Variants in SENP5 observed in about 807,000 individuals in gnomAD.
SENP5 encodes the protein SUMO specific peptidase 5.
SENP5 carries 21 observed loss-of-function variants against 74.2 expected under a neutral mutation model. That is an observed-to-expected ratio of 0.28 (90% CI 0.20 to 0.41). SENP5 has a LOEUF of 0.41. Among genes scored for constraint, SENP5 ranks in the 10% least tolerant of loss-of-function variants. The pLI, the probability that SENP5 is intolerant of heterozygous loss-of-function variation, is 1.00. For missense variants in SENP5, 717 were observed against 889.1 expected, an observed-to-expected ratio of 0.81 and a Z score of 2.46; for synonymous variants, 311 against 312.7, an observed-to-expected ratio of 0.99 and a Z score of 0.06.
chr3:196,884,307 A>G (rs1179278268), intron 1 of SENP5, among the ~76,000 whole-genome samples: 2 of 152,216 alleles, frequency 1.3e-5, no homozygotes, highest in Non-Finnish European at 2.9e-5. Flanking sequence ...TCTCAAGTGA[A>G]TATAAGAAAA....
At position 196,873,612 on chromosome 3, in the gene SENP5, G is replaced by T. The variant is rs541331433; in HGVS notation, c.-32+5539G>T. Among the ~76,000 whole-genome samples the T allele has an allele frequency of 3.1e-3, 471 of 151,672 alleles. 1 individual carries two copies. Among genetic ancestry groups the T allele is most frequent in the African/African-American group, 0.011 (447 of 41,460 alleles). On this transcript the variant is annotated intron_variant, in intron 1 of 9. Coordinates refer to ENST00000323460, the MANE Select transcript of SENP5 (RefSeq NM_152699.5). ...TCCCAGCACTTTGGGAGTCTGAGGC[G>T]GGTGGATTGCGAGGTCAGGAGATCA...
chr3:196,927,001 C>T (rs1022556666), intron 7 of SENP5, among the ~76,000 whole-genome samples: 1 of 152,016 alleles, frequency 6.6e-6, no homozygotes, highest in East Asian at 1.9e-4. Context: ...TGACTTCACT[C>T]TTGATGTGGA....
chr3:196,914,825 G>A (rs1372054818), intron 6 of SENP5, among the ~76,000 whole-genome samples: 2 of 151,722 alleles, frequency 1.3e-5, no homozygotes, highest in Non-Finnish European at 2.9e-5. Flanking sequence ...AGCATCTCAA[G>A]GAAAGAGGCA....
chr3:196,889,124 TAAAA>T (rs1714100567), intron 2 of SENP5, among the ~76,000 whole-genome samples: 1 of 149,764 alleles, frequency 6.7e-6, no homozygotes, highest in African/African-American at 2.5e-5. Flanking sequence ...TCAAAAAAAA[TAAAA>T]ATAAATAAAT....
At position 196,934,564 on chromosome 3, in the gene SENP5, T is replaced by C. The variant is rs1382574917; in HGVS notation, c.*3641T>C. On this transcript the variant is annotated 3_prime_UTR_variant, in exon 10 of 10. Transcript: ENST00000323460. ...AGAAGTGCTAATTGTATTTGGGTGT[T>C]ACAAAAGCAGACCTAGACGAGCTGT... 1 of 152,196 alleles carries C rather than the reference T, an allele frequency of 6.6e-6. No homozygotes were observed. Among genetic ancestry groups the C allele is most frequent in the East Asian group, 1.9e-4 (1 of 5,206 alleles). 9.4% of individuals were successfully genotyped at this position (152,196 alleles called of 1,614,324 possible).
At chr3:196,916,641 C>G (rs2108855260) in intron 6 of SENP5, among the ~76,000 whole-genome samples, 1 of 151,792 alleles carries the variant, frequency 6.6e-6, no homozygotes, top group East Asian at 2.0e-4. Context: ...AATTCTCCTG[C>G]CTCAGCCTCC....
intron 2 of SENP5, among the ~76,000 whole-genome samples, chr3:196,887,498 C>T (rs555686698): frequency 1.3e-5 from 2 of 151,420 alleles, no homozygotes; most frequent in African/African-American, 4.9e-5. Context: ...TATTTTTCAA[C>T]TGGATTGTTT....
intron 7 of SENP5, among the ~76,000 whole-genome samples, chr3:196,925,000 C>A (rs1024695976): frequency 6.6e-6 from 1 of 152,040 alleles, no homozygotes; most frequent in African/African-American, 2.4e-5. Flanking sequence ...TGGAATGATA[C>A]GGTATAGTAC....
intron 7 of SENP5, among the ~76,000 whole-genome samples, chr3:196,924,527 C>T (rs1560161465): frequency 6.6e-6 from 1 of 152,138 alleles, no homozygotes; most frequent in Non-Finnish European, 1.5e-5. Context: ...ATGAAAACTA[C>T]ATCAGTTAAA....
rs143275444 is a variant in SENP5, at chr3:196,889,474, A to G, written c.1513+2780A>G. ...TCACTATTTTAATAGGCCAAAGGGG[A>G]AAAAAATGGTATCTCAGCAAGTGCT... On this transcript the variant is annotated intron_variant, in intron 2 of 9. Coordinates refer to ENST00000323460, the MANE Select transcript of SENP5 (RefSeq NM_152699.5). Among the ~76,000 whole-genome samples the G allele has an allele frequency of 1.1e-3, 166 of 152,258 alleles. 1 individual carries two copies. Among genetic ancestry groups the G allele is most frequent in the African/African-American group, 3.6e-3 (151 of 41,558 alleles).
intron 1 of SENP5, among the ~76,000 whole-genome samples, chr3:196,874,064 G>C (rs1713345924): frequency 6.7e-6 from 1 of 150,130 alleles, no homozygotes; most frequent in Admixed American, 6.7e-5. Context: ...TACTCAGAAG[G>C]CTAAGTCAGG....
rs544911257 is a variant in SENP5, at chr3:196,933,546, T to A, written c.*2623T>A. The A allele has an allele frequency of 6.6e-6, 1 of 152,182 alleles. No homozygotes were observed. The allele number at this position is 152,182 out of a possible 1,614,324, so 9.4% of individuals were successfully genotyped here. ...TGTTGGTGAAAGAGGCAGGCATGGCTTTACTGGTACTAGTTTGGCACTGAA... is the reference window on the plus strand; with the variant it reads ...TGTTGGTGAAAGAGGCAGGCATGGCATTACTGGTACTAGTTTGGCACTGAA... On this transcript the variant is annotated 3_prime_UTR_variant, in exon 10 of 10. Coordinates refer to ENST00000323460, the MANE Select transcript of SENP5 (RefSeq NM_152699.5).
intron 5 of SENP5, among the ~76,000 whole-genome samples, chr3:196,902,006 T>A (rs1308183338): frequency 6.6e-6 from 1 of 152,234 alleles, no homozygotes; most frequent in African/African-American, 2.4e-5. Flanking sequence ...ACCACCGATT[T>A]GTGTTTTGAC....
chr3:196,875,578 C>A (rs866384050), intron 1 of SENP5, among the ~76,000 whole-genome samples: 1 of 152,054 alleles, frequency 6.6e-6, no homozygotes, highest in African/African-American at 2.4e-5. Context: ...ATACTGAATT[C>A]CCTCTCTTTC....
At chr3:196,899,581 G>C (rs1301108431) in intron 2 of SENP5, 85 bp from the exon 3 acceptor site, 10 of 783,640 alleles carry the variant, frequency 1.3e-5, no homozygotes, top group Non-Finnish European at 2.3e-5. Context: ...GTTAAGTGCT[G>C]TGTATAGGTT....
At chr3:196,918,301 T>G (rs1450899855) in intron 6 of SENP5, among the ~76,000 whole-genome samples, 1 of 115,938 alleles carries the variant, frequency 8.6e-6, no homozygotes, top group Non-Finnish European at 1.8e-5. Flanking sequence ...AACGAGACTC[T>G]GTCAAAAAAA....
At chr3:196,892,417 G>T (rs897775558) in intron 2 of SENP5, among the ~76,000 whole-genome samples, 2 of 152,188 alleles carry the variant, frequency 1.3e-5, no homozygotes, top group African/African-American at 4.8e-5. Flanking sequence ...AAAGTGCTGG[G>T]ATTACAGGCA....
At chr3:196,920,544 A>G (rs1715575487) in intron 6 of SENP5, among the ~76,000 whole-genome samples, 1 of 152,202 alleles carries the variant, frequency 6.6e-6, no homozygotes. Context: ...TGCACTGGCT[A>G]AGACTGGCTG....
At chr3:196,896,138 C>G (rs1714431803) in intron 2 of SENP5, among the ~76,000 whole-genome samples, 1 of 151,790 alleles carries the variant, frequency 6.6e-6, no homozygotes. Context: ...TGCATTTTTC[C>G]TTTTTTAATT....
Sources: allele counts gnomAD v4.1 joint callset (sites outside exome capture counted in the v4.1 genomes callset), GRCh38; gene constraint gnomAD v4.1.1; transcripts MANE v1.5; gene names NCBI Gene and HGNC (gene_info 2026-07-23, HGNC 2026-07-21).